MYO18B: variants seen among roughly 807,000 people sequenced by gnomAD.
MYO18B encodes the protein unconventional myosin-XVIIIb.
A neutral mutation model predicts 273.0 loss-of-function variants in MYO18B; 204 were observed. That is an observed-to-expected ratio of 0.75 (90% CI 0.67 to 0.84). The LOEUF (loss-of-function observed/expected upper bound fraction) is 0.84. Ranked by LOEUF, MYO18B falls within the 40% of genes least tolerant of loss-of-function variation. MYO18B has a pLI of 0.00. For synonymous variants in MYO18B, 1,330 were observed against 1,305.7 expected, an observed-to-expected ratio of 1.02 and a Z score of -0.40; for missense variants, 3,212 against 3,287.6, an observed-to-expected ratio of 0.98 and a Z score of 0.56.
At chr22:25,857,945 G>A (rs74562395) in intron 21 of MYO18B, among the ~76,000 whole-genome samples, 6,215 of 152,356 alleles carry the variant, frequency 0.041, 186 homozygotes, top group East Asian at 0.14. Flanking sequence ...GAACCACTGT[G>A]CACTGTGAGC....
At chr22:26,017,958 T>C (rs1173794632) in intron 42 of MYO18B, among the ~76,000 whole-genome samples, 1 of 115,482 alleles carries the variant, frequency 8.7e-6, no homozygotes, top group Admixed American at 1.1e-4. Flanking sequence ...GCTCCAATTT[T>C]ACTGTTTTGT....
At chr22:26,046,745 C>G in the MYO18B span, among the ~76,000 whole-genome samples, 4 of 152,202 alleles carry the variant, frequency 2.6e-5, no homozygotes, top group African/African-American at 7.2e-5. Flanking sequence ...TTCCGTGGCT[C>G]CCTATGTCAT....
chr22:25,950,850 G>C (rs988856082), intron 37 of MYO18B, among the ~76,000 whole-genome samples: 7 of 152,128 alleles, frequency 4.6e-5, no homozygotes, highest in Non-Finnish European at 1.0e-4. Context: ...GGGATTATAG[G>C]TGTGAACCAC....
At chr22:25,750,088 C>T (rs1297648038) in intron 1 of MYO18B, among the ~76,000 whole-genome samples, 4 of 152,092 alleles carry the variant, frequency 2.6e-5, no homozygotes, top group Non-Finnish European at 4.4e-5. Flanking sequence ...TATTTGCTGC[C>T]GCCTCCTTTA....
Position 25,823,524 on chromosome 22 carries a change from G to T in MYO18B, c.2541G>T (p.Met847Ile), listed in dbSNP as rs202019745. The T allele has an allele frequency of 8.6e-5, 138 of 1,613,844 alleles. No individual in the cohort carries two copies. The highest frequency in any genetic ancestry group is 1.6e-5 in the Non-Finnish European group (19 of 1,179,880). The change falls in exon 13 of 44, where the codon ATG becomes ATT. Residue 847 changes from methionine to isoleucine, a missense_variant. Physicochemically the swap from Met to Ile is conservative, Grantham distance 10 (BLOSUM62 1). Coordinates refer to ENST00000335473, the MANE Select transcript of MYO18B (RefSeq NM_032608.7). ...TTGCAGTGGGTCGGAAGCAGTTCATGAGGTTTGAGTGGGCAAACTACGCAG... is the reference window on the plus strand; with the variant it reads ...TTGCAGTGGGTCGGAAGCAGTTCATTAGGTTTGAGTGGGCAAACTACGCAG... ...GACKVGRKQF[M>I]RFEWANYAAE...
At chr22:25,996,268 A>G (rs5761347) in intron 40 of MYO18B, among the ~76,000 whole-genome samples, 68,761 of 151,882 alleles carry the variant, frequency 0.45, 16,588 homozygotes, top group African/African-American at 0.62. Flanking sequence ...TAGGGGCTCA[A>G]CGAGAATCAT....
intron 20 of MYO18B, among the ~76,000 whole-genome samples, chr22:25,848,832 A>C (rs1467382389): frequency 6.6e-6 from 1 of 152,164 alleles, no homozygotes; most frequent in Non-Finnish European, 1.5e-5. Context: ...TGGGACAGGC[A>C]GAAGTCTCAG....
chr22:25,824,331 G>C (rs753725210), intron 13 of MYO18B, among the ~76,000 whole-genome samples: 1 of 152,140 alleles, frequency 6.6e-6, no homozygotes, highest in Non-Finnish European at 1.5e-5. Flanking sequence ...AGATTCAGGG[G>C]CTAGTTTACA....
At chr22:25,801,714 C>T (rs889166550) in intron 12 of MYO18B, among the ~76,000 whole-genome samples, 2 of 152,128 alleles carry the variant, frequency 1.3e-5, no homozygotes, top group African/African-American at 4.8e-5. Context: ...TTTCCTGGGG[C>T]CATTGTGCTG....
rs751654440 is a variant in MYO18B, at chr22:25,903,694, G to A, written c.5011G>A (p.Glu1671Lys). The A allele has an allele frequency of 4.3e-6, 7 of 1,609,740 alleles. No individual in the cohort carries two copies. Among genetic ancestry groups the A allele is most frequent in the Admixed American group, 1.7e-5 (1 of 59,504 alleles). Residue 1671 changes from glutamate (E) to lysine (K), a missense_variant, in exon 31 of 44, where the codon GAG (glutamate) becomes AAG (lysine). Coordinates refer to ENST00000335473, the MANE Select transcript of MYO18B (RefSeq NM_032608.7). Reference sequence around the variant, plus strand: ...GGAGATGCTACAGGACCATAAACGGGAGCTGCTGGGGTCACCCTCTCTGGG... The same window carrying A: ...GGAGATGCTACAGGACCATAAACGGAAGCTGCTGGGGTCACCCTCTCTGGG... ...QVEMLQDHKRELLGSPSLGEN... is the reference protein window; with the variant it reads ...QVEMLQDHKRKLLGSPSLGEN...
At position 25,955,211 on chromosome 22, in the gene MYO18B, C is replaced by G; in HGVS notation, c.6003C>G (p.Ile2001Met). The change falls in exon 39 of 44, where the codon ATC becomes ATG. Residue 2001 changes from isoleucine (I) to methionine (M), a missense_variant. Ile to Met is a conservative substitution (Grantham distance 10). Transcript: ENST00000335473. Reference protein sequence around the residue: ...VLVIRLRDSLIKMGEELSQAA... With the variant: ...VLVIRLRDSLMKMGEELSQAA... ...TGATCCGGCTTCGGGACAGCCTGAT[C>G]AAGATGGGGGAGGAGCTTTCACAGG... The G allele has an allele frequency of 1.2e-6, 2 of 1,612,744 alleles. No homozygotes were observed. Among genetic ancestry groups the G allele is most frequent in the Non-Finnish European group, 1.7e-6 (2 of 1,179,452 alleles).
At chr22:25,863,782 C>T (rs2090809371) in intron 21 of MYO18B, among the ~76,000 whole-genome samples, 1 of 152,184 alleles carries the variant, frequency 6.6e-6, no homozygotes, top group Non-Finnish European at 1.5e-5. Flanking sequence ...TCTGCCTGTA[C>T]ACATGGCTTC....
Position 25,967,244 on chromosome 22 carries a change from G to A in MYO18B, c.6156+11880G>A, listed in dbSNP as rs539722436. Among the ~76,000 whole-genome samples, 4 of 152,298 alleles carry A rather than the reference G, an allele frequency of 2.6e-5. No individual in the cohort carries two copies. In the South Asian group the frequency reaches 8.3e-4, roughly 32 times the overall value. ...AAGGGGAGAGATATTGATTGAATATGGCAGGAGTATATTAAATTATTCAAA... is the reference window on the plus strand; with the variant it reads ...AAGGGGAGAGATATTGATTGAATATAGCAGGAGTATATTAAATTATTCAAA... On this transcript the variant is annotated intron_variant, in intron 39 of 43. Coordinates refer to ENST00000335473, the MANE Select transcript of MYO18B (RefSeq NM_032608.7).
chr22:26,063,351 T>C, the MYO18B span, among the ~76,000 whole-genome samples: 1 of 152,192 alleles, frequency 6.6e-6, no homozygotes, highest in Non-Finnish European at 1.5e-5. Context: ...TTACCTCGTA[T>C]GCTGAACGCC....
chr22:25,867,865 T>C (rs1400347256), intron 21 of MYO18B, among the ~76,000 whole-genome samples: 1 of 152,118 alleles, frequency 6.6e-6, no homozygotes, highest in Non-Finnish European at 1.5e-5. Flanking sequence ...TCTCCTGACC[T>C]CGTGATCCGC....
chr22:26,043,344 T>C, the MYO18B span, among the ~76,000 whole-genome samples: 2 of 152,194 alleles, frequency 1.3e-5, no homozygotes, highest in African/African-American at 4.8e-5. Flanking sequence ...GGGATTGTTA[T>C]GAAGAAAGCT....
intron 39 of MYO18B, among the ~76,000 whole-genome samples, chr22:25,990,542 C>G (rs1490046199): frequency 6.6e-6 from 1 of 151,778 alleles, no homozygotes; most frequent in Non-Finnish European, 1.5e-5. Flanking sequence ...CATAAATTAG[C>G]CAAGTGTGGT....
intron 12 of MYO18B, among the ~76,000 whole-genome samples, chr22:25,821,365 G>A (rs1425455275): frequency 2.0e-5 from 3 of 151,488 alleles, no homozygotes; most frequent in Non-Finnish European, 4.4e-5. Flanking sequence ...CTACTGGAGT[G>A]AGACGATACT....
At chr22:25,893,212 TA>T (rs1194914674) in intron 27 of MYO18B, among the ~76,000 whole-genome samples, 2 of 152,308 alleles carry the variant, frequency 1.3e-5, no homozygotes, top group Admixed American at 6.5e-5. Context: ...ATGAATTATT[TA>T]AAAAAATATG....
Sources: allele counts gnomAD v4.1 joint callset (sites outside exome capture counted in the v4.1 genomes callset), GRCh38; gene constraint gnomAD v4.1.1; transcripts MANE v1.5; gene names NCBI Gene and HGNC (gene_info 2026-07-23, HGNC 2026-07-21).